OSBPL9: variants seen among roughly 807,000 people sequenced by gnomAD.
The protein encoded by OSBPL9 is oxysterol-binding protein-related protein 9.
Under a neutral mutation model 106.6 loss-of-function variants are expected in OSBPL9, and 40 were observed. The observed-to-expected ratio is 0.38, with a 90% CI of 0.29 to 0.49. The LOEUF (loss-of-function observed/expected upper bound fraction) is 0.49, where lower values mean the gene tolerates loss of function less well. OSBPL9 is among the 20% of genes least tolerant of loss of function. The pLI, the probability that OSBPL9 is intolerant of heterozygous loss-of-function variation, is 0.97. For synonymous variants in OSBPL9, 269 were observed against 295.4 expected, an observed-to-expected ratio of 0.91 and a Z score of 0.92; for missense variants, 609 against 887.2, an observed-to-expected ratio of 0.69 and a Z score of 3.98.
chr1:51,761,931 T>C lies in OSBPL9; in HGVS notation c.738T>C (p.Ala246=). ...CCCTACCAGTTGGACCTGTGTTGGC[T>C]ACCTTGGGACATCATCAGACTCCTA... The part of the protein sequence containing the change: ...PSSLPVGPVL[A]TLGHHQTPTP... The change falls in exon 11 of 24, where the codon GCT becomes GCC. Residue 246 remains alanine, a synonymous_variant. Transcript: ENST00000428468. The C allele has an allele frequency of 6.2e-7, 1 of 1,613,526 alleles. No homozygotes were observed. The highest frequency in any genetic ancestry group is 1.3e-5 in the African/African-American group (1 of 75,028).
rs775561523 is a variant in OSBPL9 at position 51,749,085 on chromosome 1, C to CA, written c.492+700dup. Among the ~76,000 whole-genome samples the CA allele has an allele frequency of 4.3e-3, 575 of 134,362 alleles. 2 individuals are homozygous for CA. Among genetic ancestry groups the CA allele is most frequent in the South Asian group, 6.4e-3 (27 of 4,236 alleles). The allele number at this position is 134,362 out of a possible 152,430, so 88.1% of individuals were successfully genotyped here. On this transcript the variant is annotated intron_variant, in intron 7 of 23. Coordinates refer to ENST00000428468, the MANE Select transcript of OSBPL9 (RefSeq NM_024586.6). ...GGGCAACAAGAGCGAAACTGTGTCT[C>CA]AAAAAAAAAAAAAGTGATGGGATTA...
intron 4 of OSBPL9, among the ~76,000 whole-genome samples, chr1:51,733,998 A>G (rs183875796): frequency 9.5e-4 from 144 of 152,278 alleles, no homozygotes; most frequent in Non-Finnish European, 2.1e-4. Flanking sequence ...TGATTAGGTA[A>G]TGCTTAATTA....
At chr1:51,655,422 T>C (rs758852851) in intron 2 of OSBPL9, among the ~76,000 whole-genome samples, 1 of 152,236 alleles carries the variant, frequency 6.6e-6, no homozygotes, top group Admixed American at 6.5e-5. Flanking sequence ...ATGTCAGCGA[T>C]GTGCATTGAA....
chr1:51,542,631 A>T, the OSBPL9 span, among the ~76,000 whole-genome samples: 1 of 152,230 alleles, frequency 6.6e-6, no homozygotes, highest in Non-Finnish European at 1.5e-5. Context: ...CAGGCACTCT[A>T]CTTTATACAT....
At chr1:51,677,816 T>G (rs745584369) in intron 3 of OSBPL9, among the ~76,000 whole-genome samples, 2 of 152,132 alleles carry the variant, frequency 1.3e-5, no homozygotes, top group Non-Finnish European at 2.9e-5. Flanking sequence ...CCCAAAGTGC[T>G]GGGATTACAG....
chr1:51,703,845 AG>A (rs1214882659), intron 3 of OSBPL9, among the ~76,000 whole-genome samples: 12 of 152,268 alleles, frequency 7.9e-5, no homozygotes, highest in Non-Finnish European at 1.5e-4. Flanking sequence ...TTTAGCATGA[AG>A]GGTTGTTGAA....
At chr1:51,681,305 A>C (rs1291078211) in intron 3 of OSBPL9, among the ~76,000 whole-genome samples, 2 of 152,180 alleles carry the variant, frequency 1.3e-5, no homozygotes, top group Non-Finnish European at 2.9e-5. Flanking sequence ...GTATATTCTT[A>C]CCACATACTA....
chr1:51,616,681 C>G (rs940626000), upstream of OSBPL9, among the ~76,000 whole-genome samples: 1 of 152,130 alleles, frequency 6.6e-6, no homozygotes, highest in Admixed American at 6.5e-5. Context: ...CATGAAGGCT[C>G]TGTTGTATCC....
intron 1 of OSBPL9, among the ~76,000 whole-genome samples, chr1:51,623,193 A>G (rs1160575803): frequency 6.6e-6 from 1 of 152,094 alleles, no homozygotes; most frequent in African/African-American, 2.4e-5. Context: ...CTTGAAGAGT[A>G]AAGAGGAGGC....
chr1:51,536,035 A>C, the OSBPL9 span, among the ~76,000 whole-genome samples: 5 of 152,214 alleles, frequency 3.3e-5, no homozygotes, highest in Non-Finnish European at 7.3e-5. Flanking sequence ...TTTGAATTGC[A>C]GTAGTTACCC....
chr1:51,784,534 C>T lies in OSBPL9; in HGVS notation c.1781C>T (p.Thr594Ile), dbSNP rs1191284162. The part of the protein sequence containing the change: ...TGYSANIIFH[T>I]KPFYGGKKHR... ...TATAGTGCAAATATCATCTTCCACA[C>T]TAAACCCTTCTATGGGGGCAAGAAG... Residue 594 changes from threonine to isoleucine, a missense_variant, in exon 20 of 24, where the codon ACT (threonine) becomes ATT (isoleucine). Around this residue, in one of 5 missense-constraint regions of OSBPL9, gnomAD observed 19 missense variants for 60.9 expected, o/e 0.31. Transcript: ENST00000428468. 6.2e-7 allele frequency: 1 copy of T among 1,614,078 alleles called. No homozygotes were observed. Among genetic ancestry groups the T allele is most frequent in the Admixed American group, 1.7e-5 (1 of 60,026 alleles).
chr1:51,738,955 T>G lies in OSBPL9; in HGVS notation c.319-6581T>G, dbSNP rs114981015. Among the ~76,000 whole-genome samples, 140 of 152,148 alleles carry G rather than the reference T, an allele frequency of 9.2e-4. 1 individual carries two copies. Among genetic ancestry groups the G allele is most frequent in the African/African-American group, 3.3e-3 (138 of 41,550 alleles). On this transcript the variant is annotated intron_variant, in intron 4 of 23. Transcript: ENST00000428468. ...GTGTTACTTTACATGTATTACTCAT[T>G]TAATCTCTCCAGTAACCTTGAGTAG...
chr1:51,705,397 ATATTTTTTTTTTTTTTTTTT>A (rs1249554452), intron 3 of OSBPL9, among the ~76,000 whole-genome samples: 21 of 52,032 alleles, frequency 4.0e-4, no homozygotes, highest in African/African-American at 1.6e-3. Flanking sequence ...ATATATATAT[ATATTTTTTTTTTTTTTTTTT>A]TTTTTTTTTT....
Position 51,587,837 on chromosome 1 carries a change from C to T in OSBPL9, c.-422-10287C>T, listed in dbSNP as rs140854881. Among the ~76,000 whole-genome samples, 993 of 152,370 alleles carry T rather than the reference C, an allele frequency of 6.5e-3. 7 individuals carry two copies. Among genetic ancestry groups the T allele is most frequent in the Middle Eastern group, 0.017 (5 of 294 alleles). On this transcript the variant is annotated intron_variant, in intron 1 of 25. Transcript: ENST00000371714. ...TATTCATTTCCTCAGCTCCCCTCTACCCTTCAACCTAAGGTAGTGAGGCTT... is the reference window on the plus strand; with the variant it reads ...TATTCATTTCCTCAGCTCCCCTCTATCCTTCAACCTAAGGTAGTGAGGCTT...
intron 1 of OSBPL9, chr1:51,582,758 T>C (rs529568601): frequency 1.3e-5 from 2 of 152,240 alleles, no homozygotes; most frequent in East Asian, 3.9e-4. Flanking sequence ...ATATCCCAAT[T>C]GGCAGGTAAG....
In OSBPL9 at chr1:51,584,559, AC is replaced by A. The variant is rs377050017; in HGVS notation, c.-423+7304del. Among the ~76,000 whole-genome samples the A allele has an allele frequency of 4.8e-3, 730 of 152,152 alleles. 6 individuals are homozygous for A. Among genetic ancestry groups the A allele is most frequent in the African/African-American group, 0.017 (710 of 41,514 alleles). ...GTGAAACACCATCTCTACTAAAAAT[AC>A]AAAAAATTAGCCAGGTGTTGTGGTG... On this transcript the variant is annotated intron_variant, in intron 1 of 25. Coordinates refer to the OSBPL9 transcript ENST00000371714.
At chr1:51,573,345 C>T (rs1645162920), upstream of OSBPL9, among the ~76,000 whole-genome samples, 1 of 150,456 alleles carries the variant, frequency 6.6e-6, no homozygotes, top group African/African-American at 2.4e-5. Context: ...TCTGTCTCTA[C>T]TAAAAATACA....
chr1:51,691,340 C>A (rs1654916761), intron 3 of OSBPL9, among the ~76,000 whole-genome samples: 1 of 132,128 alleles, frequency 7.6e-6, no homozygotes, highest in African/African-American at 3.0e-5. Flanking sequence ...AGTGTGGTGG[C>A]ATGATCTCGG....
chr1:51,750,340 C>T (rs989704981), intron 8 of OSBPL9, 145 bp downstream of exon 8: 1 of 543,546 alleles, frequency 1.8e-6, no homozygotes, highest in Non-Finnish European at 3.2e-6. Context: ...TATGGAACAA[C>T]TGTTGTGTTT....
Sources: gnomAD v4.1 joint callset for allele counts (sites outside exome capture counted in the v4.1 genomes callset) on GRCh38, gnomAD v4.1.1 for gene constraint, gnomAD v4.1.1 regional missense constraint, MANE v1.5 for transcripts, NCBI Gene and HGNC (gene_info 2026-07-23, HGNC 2026-07-21) for gene names.